Variants in PPP6R3 observed in about 807,000 individuals in gnomAD.
The protein encoded by PPP6R3 is protein phosphatase 6 regulatory subunit 3, also known as serine/threonine-protein phosphatase 6 regulatory subunit 3.
A neutral mutation model predicts 110.7 loss-of-function variants in PPP6R3; 38 were observed. That is an observed-to-expected ratio of 0.34 (90% confidence interval 0.26 to 0.45). The LOEUF is 0.45. Among genes scored for constraint, PPP6R3 ranks in the 20% least tolerant of loss-of-function variants. The pLI, the probability that PPP6R3 is intolerant of heterozygous loss-of-function variation, is 1.00. For missense variants in PPP6R3, 870 were observed against 1,062.4 expected (o/e 0.82, Z 2.52); for synonymous variants, 369 against 373.5 (o/e 0.99, Z 0.14).
chr11:68,585,533 C>G (rs2099575527), intron 15 of PPP6R3, among the ~76,000 whole-genome samples: 1 of 152,190 alleles, frequency 6.6e-6, no homozygotes, highest in South Asian at 2.1e-4. Flanking sequence ...ATTGTGCTTT[C>G]CAGATATAGG....
intron 14 of PPP6R3, 59 bp downstream of exon 14, chr11:68,576,102 T>C: frequency 7.9e-7 from 1 of 1,271,950 alleles, no homozygotes; most frequent in South Asian, 1.3e-5. Flanking sequence ...TGCCCATTTA[T>C]TCAGAAAGAT....
intron 1 of PPP6R3, among the ~76,000 whole-genome samples, chr11:68,499,771 C>T (rs1413957467): frequency 6.6e-6 from 1 of 152,026 alleles, no homozygotes; most frequent in Non-Finnish European, 1.5e-5. Context: ...TGGAGTTTTG[C>T]CATGTTTCCC....
At chr11:68,557,881 T>C (rs1438884340) in intron 7 of PPP6R3, among the ~76,000 whole-genome samples, 1 of 152,212 alleles carries the variant, frequency 6.6e-6, no homozygotes, top group African/African-American at 2.4e-5. Context: ...AAGTTTTCCT[T>C]GAGAATGTTC....
chr11:68,603,956 T>C (rs1937802572), intron 22 of PPP6R3, among the ~76,000 whole-genome samples: 1 of 152,196 alleles, frequency 6.6e-6, no homozygotes, highest in South Asian at 2.1e-4. Context: ...AGAAATTCAC[T>C]TCTAAACTCA....
chr11:68,493,274 A>G (rs913206514), intron 1 of PPP6R3, among the ~76,000 whole-genome samples: 1 of 152,212 alleles, frequency 6.6e-6, no homozygotes, highest in Non-Finnish European at 1.5e-5. Context: ...TAAGGATTAA[A>G]TGATAGTTCA....
At chr11:68,478,253 T>C (rs1406769355) in intron 1 of PPP6R3, among the ~76,000 whole-genome samples, 2 of 152,146 alleles carry the variant, frequency 1.3e-5, no homozygotes, top group Non-Finnish European at 2.9e-5. Context: ...CGGCCCAGGC[T>C]GGTCTTTTAA....
At chr11:68,561,473 TAAC>T (rs1417353669) in intron 8 of PPP6R3, among the ~76,000 whole-genome samples, 1 of 152,168 alleles carries the variant, frequency 6.6e-6, no homozygotes, top group Non-Finnish European at 1.5e-5. Flanking sequence ...CGACTGCAAG[TAAC>T]AAAATGCCAC....
intron 1 of PPP6R3, among the ~76,000 whole-genome samples, chr11:68,511,521 C>A (rs2099109989): frequency 8.4e-6 from 1 of 118,486 alleles, no homozygotes; most frequent in Admixed American, 9.2e-5. Context: ...CACCCTGTTG[C>A]CCAGGCTGGA....
At position 68,475,582 on chromosome 11, in the gene PPP6R3, CG is replaced by C. The variant is rs2098823716; in HGVS notation, c.-158+14760del. 4.2e-5 allele frequency among the ~76,000 whole-genome samples: 6 copies of C among 142,564 alleles called. No homozygotes were observed. In the South Asian group the frequency reaches 1.3e-3, roughly 32 times the overall value. 93.5% of individuals were successfully genotyped at this position (142,564 alleles called of 152,430 possible). ...CTCCCGGACGGGGCGGCTGGCCGGG[CG>C]GGGGCTGCCCCCCACCTCCCTCCCG... On this transcript the variant is annotated intron_variant, in intron 1 of 23. Transcript: ENST00000393800.
intron 1 of PPP6R3, chr11:68,515,176 T>C (rs1170852730): frequency 6.6e-6 from 1 of 152,356 alleles, no homozygotes; most frequent in Non-Finnish European, 1.5e-5. Context: ...GGTGGGCAGC[T>C]GGAGCCAGGG....
chr11:68,531,307 T>TTTTTTTTA lies in PPP6R3; in HGVS notation c.-6-6349_-6-6348insTTTTATTT, dbSNP rs1555114423. ...TATTGAGTCAGAATCTGAGACTGTG[T>TTTTTTTTA]TTTATTTATTTATTTATTTATTTAT... is the stretch of plus-strand genomic sequence containing the variant. On this transcript the variant is annotated intron_variant, in intron 2 of 23. Coordinates refer to ENST00000393800, the MANE Select transcript of PPP6R3 (RefSeq NM_001164161.2). 5.4e-4 allele frequency among the ~76,000 whole-genome samples: 74 copies of TTTTTTTTA among 137,012 alleles called. No homozygotes were observed. In the East Asian group the frequency reaches 8.5e-3, roughly 16 times the overall value. 89.9% of individuals were successfully genotyped at this position (137,012 alleles called of 152,430 possible).
At chr11:68,469,997 CTTT>C (rs562545320) in intron 1 of PPP6R3, among the ~76,000 whole-genome samples, 1,556 of 152,182 alleles carry the variant, frequency 0.01, 10 homozygotes, top group African/African-American at 0.012. Context: ...TCACTTTGTT[CTTT>C]TTTTGCCCCC....
intron 2 of PPP6R3, among the ~76,000 whole-genome samples, chr11:68,536,407 C>T (rs978130783): frequency 2.0e-5 from 3 of 151,900 alleles, no homozygotes; most frequent in African/African-American, 7.3e-5. Context: ...AGGAGTGTGC[C>T]ACAATGCCTG....
At chr11:68,521,602 A>G (rs1015383082) in intron 2 of PPP6R3, among the ~76,000 whole-genome samples, 1 of 152,172 alleles carries the variant, frequency 6.6e-6, no homozygotes, top group Admixed American at 6.5e-5. Flanking sequence ...CCTGGAGAGG[A>G]ACAGCACTGT....
intron 15 of PPP6R3, among the ~76,000 whole-genome samples, chr11:68,584,788 C>T (rs1183793731): frequency 6.6e-6 from 1 of 152,194 alleles, no homozygotes; most frequent in Non-Finnish European, 1.5e-5. Context: ...TTACCCACTT[C>T]ATATGAACTT....
chr11:68,496,062 G>T (rs2099013535), intron 1 of PPP6R3, among the ~76,000 whole-genome samples: 1 of 152,100 alleles, frequency 6.6e-6, no homozygotes, highest in Non-Finnish European at 1.5e-5. Flanking sequence ...ACAGCTCACT[G>T]CATGATAGCC....
At position 68,570,968 on chromosome 11, in the gene PPP6R3, T is replaced by C. The variant is rs2099502303; in HGVS notation, c.1279-72T>C. 2.6e-6 allele frequency: 4 copies of C among 1,523,004 alleles called. No homozygotes were observed. The South Asian group carries it at 4.9e-5, about 19-fold the overall frequency. The allele number at this position is 1,523,004 out of a possible 1,614,324, so 94.3% of individuals were successfully genotyped here. On this transcript the variant is annotated intron_variant, in intron 11 of 23. Coordinates refer to ENST00000393800, the MANE Select transcript of PPP6R3 (RefSeq NM_001164161.2). ...ATGCATACTACTATTCTCTTTAACC[T>C]AGAGTTCTGTTTCACTTTAAAGTTT... is the stretch of plus-strand genomic sequence containing the variant.
intron 3 of PPP6R3, among the ~76,000 whole-genome samples, chr11:68,543,094 CT>C (rs2099328249): frequency 6.6e-6 from 1 of 152,160 alleles, no homozygotes; most frequent in African/African-American, 2.4e-5. Context: ...ATGCCAGGCC[CT>C]CTTCCCAGCC....
intron 1 of PPP6R3, among the ~76,000 whole-genome samples, chr11:68,484,877 G>A (rs1053737670): frequency 5.3e-5 from 8 of 152,166 alleles, no homozygotes; most frequent in Non-Finnish European, 8.8e-5. Context: ...ATGAGCCACA[G>A]CGCCCAGCCT....
Sources: allele counts gnomAD v4.1 joint callset (sites outside exome capture counted in the v4.1 genomes callset), GRCh38; gene constraint gnomAD v4.1.1; transcripts MANE v1.5; gene names NCBI Gene and HGNC (gene_info 2026-07-23, HGNC 2026-07-21).